Variants in TF observed in about 807,000 individuals in gnomAD.
TF encodes transferrin.
In TF, 55 loss-of-function variants were observed where a neutral mutation model predicts 82.4. The ratio of observed to expected loss-of-function variants is 0.67; its 90% CI spans 0.54 to 0.84. TF has a LOEUF of 0.84. Ranked by LOEUF, TF falls within the 40% of genes least tolerant of loss-of-function variation. The pLI, the probability that TF is intolerant of heterozygous loss-of-function variation, is 0.00. For synonymous variants in TF, 332 were observed against 332.6 expected (o/e 1.00, Z 0.02); for missense variants, 737 against 868.4 (o/e 0.85, Z 1.90).
chr3:133,702,285 C>T, the TF span, among the ~76,000 whole-genome samples: 5 of 151,880 alleles, frequency 3.3e-5, no homozygotes, highest in African/African-American at 1.2e-4. Flanking sequence ...AAGAGCTGGA[C>T]TCCTGGGGGG....
the TF span, among the ~76,000 whole-genome samples, chr3:133,708,914 T>G: frequency 6.6e-6 from 1 of 152,046 alleles, no homozygotes; most frequent in Non-Finnish European, 1.5e-5. Flanking sequence ...GGAAGGGATT[T>G]AATACAGGGA....
At position 133,764,291 on chromosome 3, in the gene TF, C is replaced by T; in HGVS notation, c.1297+16C>T. ...AACTACAATAGTAAGTGGTGGGGAG[C>T]ACCTCTCTGTGTTTTCTTCCCTCAG... On this transcript the variant is annotated intron_variant, in intron 10 of 16. Coordinates refer to ENST00000402696, the MANE Select transcript of TF (RefSeq NM_001063.4). 1.2e-6 allele frequency: 2 copies of T among 1,601,456 alleles called. No homozygotes were observed. Among genetic ancestry groups the T allele is most frequent in the East Asian group, 2.2e-5 (1 of 44,796 alleles).
chr3:133,675,799 G>A, the TF span, among the ~76,000 whole-genome samples: 5 of 152,130 alleles, frequency 3.3e-5, no homozygotes. Context: ...TTTTAGTTGG[G>A]TATGACAAAA....
intron 2 of TF, among the ~76,000 whole-genome samples, chr3:133,750,877 A>T (rs1434628142): frequency 4.6e-5 from 7 of 152,128 alleles, no homozygotes; most frequent in Non-Finnish European, 1.5e-5. Context: ...GGTGTGCTGC[A>T]CCCTGTTTGC....
the TF span, among the ~76,000 whole-genome samples, chr3:133,693,640 G>A: frequency 1.6e-3 from 250 of 152,300 alleles, no homozygotes; most frequent in Non-Finnish European, 2.9e-3. Flanking sequence ...CTGGGCAGCT[G>A]TGCAGTGGCT....
intron 5 of TF, 73 bp downstream of exon 5, chr3:133,755,568 C>T: frequency 6.2e-7 from 1 of 1,600,744 alleles, no homozygotes. Context: ...CTTTGCTGGT[C>T]CAAAGCCGAG....
At chr3:133,734,059 G>T in the TF span, among the ~76,000 whole-genome samples, 1 of 152,094 alleles carries the variant, frequency 6.6e-6, no homozygotes, top group East Asian at 1.9e-4. Context: ...GCCAGAGAAG[G>T]GAGCTGCACA....
At chr3:133,686,703 G>A in the TF span, among the ~76,000 whole-genome samples, 16 of 152,308 alleles carry the variant, frequency 1.1e-4, no homozygotes, top group African/African-American at 3.4e-4. Flanking sequence ...GAAACAACAG[G>A]TGCTGGAGAG....
At chr3:133,776,819 G>A (rs965006328) in intron 15 of TF, among the ~76,000 whole-genome samples, 6 of 152,148 alleles carry the variant, frequency 3.9e-5, no homozygotes, top group Admixed American at 2.6e-4. Flanking sequence ...CTTATCAGAG[G>A]AAGGTGGGAC....
At position 133,783,031 on chromosome 3, in the gene TF, C is replaced by G. The variant is rs1183046776; in HGVS notation, c.*4411C>G. On this transcript the variant is annotated 3_prime_UTR_variant, in exon 17 of 17. Coordinates refer to ENST00000402696, the MANE Select transcript of TF (RefSeq NM_001063.4). Reference sequence around the variant, plus strand: ...AGACCCCGTCTCAAACAAAACAAAACCAAGTAGCAGATATGCATGATGAAC... The same window carrying G: ...AGACCCCGTCTCAAACAAAACAAAAGCAAGTAGCAGATATGCATGATGAAC... The G allele has an allele frequency of 6.6e-6, 1 of 151,942 alleles. No homozygotes were observed. The highest frequency in any genetic ancestry group is 2.4e-5 in the African/African-American group (1 of 41,362). The allele number at this position is 151,942 out of a possible 1,614,324, so 9.4% of individuals were successfully genotyped here.
chr3:133,764,380 TC>T (rs1559874480), intron 10 of TF, 105 bp downstream of exon 10: 1 of 982,266 alleles, frequency 1.0e-6, no homozygotes, highest in Non-Finnish European at 1.6e-6. Flanking sequence ...CATAAAGCTT[TC>T]CCTCTCTGAG....
At chr3:133,730,009 G>A in the TF span, among the ~76,000 whole-genome samples, 1 of 151,988 alleles carries the variant, frequency 6.6e-6, no homozygotes, top group African/African-American at 2.4e-5. Context: ...GACATTTATT[G>A]TGGTGTCATA....
Position 133,775,672 on chromosome 3 carries a change from CG to C in TF, c.1872+61del. ...TCTTCCTAGATGGCCATAGGCTATT[CG>C]GGGGGAGTTTACAACAAAGTGCAGC... On this transcript the variant is annotated intron_variant, in intron 15 of 16. Coordinates refer to ENST00000402696, the MANE Select transcript of TF (RefSeq NM_001063.4). The C allele has an allele frequency of 3.8e-6, 6 of 1,586,004 alleles. No individual in the cohort carries two copies. The Admixed American group carries it at 6.7e-5, about 18-fold the overall frequency.
the TF span, among the ~76,000 whole-genome samples, chr3:133,673,719 T>C: frequency 6.6e-6 from 1 of 152,202 alleles, no homozygotes; most frequent in African/African-American, 2.4e-5. Flanking sequence ...CCAGCTTTGT[T>C]TGTTAACGTT....
intron 8 of TF, among the ~76,000 whole-genome samples, 177 bp from the exon 9 acceptor site, chr3:133,758,998 G>A (rs925271470): frequency 1.3e-5 from 2 of 152,158 alleles, no homozygotes; most frequent in African/African-American, 2.4e-5. Context: ...TAAATGAGAA[G>A]TCAACCAAGA....
At chr3:133,664,656 T>C in the TF span, among the ~76,000 whole-genome samples, 1 of 152,248 alleles carries the variant, frequency 6.6e-6, no homozygotes, top group Non-Finnish European at 1.5e-5. Flanking sequence ...AGGTTACTTA[T>C]AATACCTGAT....
chr3:133,716,313 T>C, the TF span, among the ~76,000 whole-genome samples: 1 of 152,140 alleles, frequency 6.6e-6, no homozygotes, highest in African/African-American at 2.4e-5. Context: ...AACCACCATC[T>C]CAAACTTAAA....
the TF span, among the ~76,000 whole-genome samples, chr3:133,671,009 G>A: frequency 1.3e-5 from 2 of 152,326 alleles, no homozygotes; most frequent in East Asian, 1.9e-4. Flanking sequence ...TTGACAAAGG[G>A]CCAGTTTTCT....
At chr3:133,751,293 C>T (rs902156618) in intron 2 of TF, among the ~76,000 whole-genome samples, 1 of 140,408 alleles carries the variant, frequency 7.1e-6, no homozygotes, top group Non-Finnish European at 1.5e-5. Context: ...AGTGCAGTGG[C>T]GCGATCTCGA....
Sources: gnomAD v4.1 joint callset for allele counts (sites outside exome capture counted in the v4.1 genomes callset) on GRCh38, gnomAD v4.1.1 for gene constraint, MANE v1.5 for transcripts, NCBI Gene and HGNC (gene_info 2026-07-23, HGNC 2026-07-21) for gene names.